Variants in FGF13 observed in about 807,000 individuals in gnomAD.
FGF13 encodes fibroblast growth factor 13, also known as fibroblast growth factor homologous factor 2.
In FGF13, 2 loss-of-function variants were observed where a neutral mutation model predicts 19.5. That is an observed-to-expected ratio of 0.10 (90% CI 0.04 to 0.32). FGF13 has a LOEUF of 0.32. Ranked by LOEUF, FGF13 falls within the 10% of genes least tolerant of loss-of-function variation. FGF13 has a pLI of 1.00. For synonymous variants in FGF13, 72 were observed against 76.9 expected, an observed-to-expected ratio of 0.94 and a Z score of 0.33; for missense variants, 113 against 192.7, an observed-to-expected ratio of 0.59 and a Z score of 2.45.
intron 1 of FGF13, among the ~76,000 whole-genome samples, chrX:139,103,647 A>G (rs1234106859): frequency 8.9e-6 from 1 of 112,016 alleles, no homozygotes; most frequent in Non-Finnish European, 1.9e-5. Flanking sequence ...TACTAAAACC[A>G]TTGAATTGTA....
chrX:139,092,799 C>T (rs2083447103), intron 1 of FGF13, among the ~76,000 whole-genome samples: 1 of 111,610 alleles, frequency 9.0e-6, no homozygotes, highest in Non-Finnish European at 1.9e-5. Context: ...TTACTTTTGA[C>T]CTACTCAGAG....
intron 1 of FGF13, among the ~76,000 whole-genome samples, chrX:138,989,078 G>A (rs748487235): frequency 9.0e-6 from 1 of 111,275 alleles, no homozygotes; most frequent in Non-Finnish European, 1.9e-5. Flanking sequence ...TGGGAAATAC[G>A]TTTCTTCTCT....
chrX:138,772,018 GTATATA>G (rs56411673), intron 3 of FGF13, among the ~76,000 whole-genome samples: 7,881 of 56,259 alleles, frequency 0.14, 488 homozygotes, highest in East Asian at 0.27. Context: ...ATACATATGT[GTATATA>G]TATATATATA....
intron 1 of FGF13, among the ~76,000 whole-genome samples, chrX:138,919,705 G>A (rs1464109049): frequency 9.1e-6 from 1 of 110,464 alleles, no homozygotes; most frequent in Non-Finnish European, 1.9e-5. Context: ...AGGGATTAGG[G>A]AGAAGAGAGA....
At chrX:139,064,283 T>C (rs867132491) in intron 1 of FGF13, among the ~76,000 whole-genome samples, 92 of 4,420 alleles carry the variant, frequency 0.021, 9 homozygotes, top group African/African-American at 0.1. Context: ...TTTTTTTTCT[T>C]TTTTTTTTTT....
intron 1 of FGF13, among the ~76,000 whole-genome samples, chrX:138,925,370 C>T (rs1217877293): frequency 9.1e-6 from 1 of 110,478 alleles, no homozygotes; most frequent in African/African-American, 3.3e-5. Flanking sequence ...AAATCGGCAA[C>T]CAAAAAGATC....
chrX:138,961,664 A>G (rs190129418), intron 1 of FGF13, among the ~76,000 whole-genome samples: 228 of 112,030 alleles, frequency 2.0e-3, no homozygotes, highest in African/African-American at 7.2e-3. Context: ...AATGGAACAG[A>G]ACAGAGCCCT....
intron 1 of FGF13, among the ~76,000 whole-genome samples, chrX:138,921,993 A>G (rs1242840775): frequency 3.7e-5 from 4 of 106,971 alleles, no homozygotes; most frequent in Admixed American, 1.0e-4. Flanking sequence ...AAAAAACAAC[A>G]AAACAACAAC....
At chrX:139,035,829 CA>C (rs2092248893) in intron 1 of FGF13, among the ~76,000 whole-genome samples, 1 of 110,919 alleles carries the variant, frequency 9.0e-6, no homozygotes, top group African/African-American at 3.3e-5. Flanking sequence ...GAGGAGCAGA[CA>C]AAAAAAGAGG....
chrX:138,707,722 C>G (rs773230378), intron 2 of FGF13, among the ~76,000 whole-genome samples: 23 of 111,871 alleles, frequency 2.1e-4, no homozygotes, highest in Non-Finnish European at 3.4e-4. Context: ...TTTTCATCCT[C>G]CATACCAACA....
At chrX:138,824,082 G>A (rs757249583) in intron 3 of FGF13, among the ~76,000 whole-genome samples, 1 of 112,167 alleles carries the variant, frequency 8.9e-6, no homozygotes, top group South Asian at 3.7e-4. Context: ...TTGAGATCAA[G>A]GTAATTGAAG....
chrX:139,124,082 C>T (rs2083697501), intron 1 of FGF13, among the ~76,000 whole-genome samples: 1 of 112,420 alleles, frequency 8.9e-6, no homozygotes, highest in South Asian at 3.7e-4. Flanking sequence ...AAGCCTGCCT[C>T]CCACAGACCC....
intron 3 of FGF13, among the ~76,000 whole-genome samples, chrX:138,845,486 GT>G (rs2091175121): frequency 8.9e-6 from 1 of 111,841 alleles, no homozygotes; most frequent in African/African-American, 3.2e-5. Flanking sequence ...AGCACTTACT[GT>G]TGACAGACAC....
chrX:139,137,532 G>A (rs184616746), intron 1 of FGF13, among the ~76,000 whole-genome samples: 21 of 111,916 alleles, frequency 1.9e-4, no homozygotes, highest in African/African-American at 6.5e-4. Context: ...CAGATGTACT[G>A]CCACACTCAT....
At chrX:138,851,077 T>C (rs1328987814) in intron 3 of FGF13, among the ~76,000 whole-genome samples, 1 of 111,873 alleles carries the variant, frequency 8.9e-6, no homozygotes, top group Non-Finnish European at 1.9e-5. Context: ...TCTCGTTCCT[T>C]TTTATGGCTG....
rs145596450 is a variant in FGF13, at chrX:138,987,316, A to G, written c.-112-122666T>C. ...CCCATCCTTTCCCTTTCCTTATAGT[A>G]TTCACTCTTAGACTCTGTTCCTACT... is the stretch of plus-strand genomic sequence containing the variant. On this transcript the variant is annotated intron_variant, in intron 1 of 2. Transcript: ENST00000421460. Among the ~76,000 whole-genome samples the G allele has an allele frequency of 1.0e-3, 116 of 111,016 alleles. 1 individual carries two copies. The East Asian group carries it at 0.025, about 24-fold the overall frequency.
At chrX:138,689,807 A>G (rs1251519457) in intron 3 of FGF13, among the ~76,000 whole-genome samples, 1 of 112,221 alleles carries the variant, frequency 8.9e-6, no homozygotes, top group Non-Finnish European at 1.9e-5. Context: ...TTCAAGTTTA[A>G]TTATTTGTTT....
intron 3 of FGF13, among the ~76,000 whole-genome samples, chrX:138,836,580 G>C (rs946335140): frequency 1.9e-4 from 21 of 111,743 alleles, no homozygotes; most frequent in African/African-American, 6.5e-4. Flanking sequence ...TTGTCTGTCA[G>C]CTCCGGCAAT....
chrX:138,682,542 C>T (rs1052406823), intron 3 of FGF13, among the ~76,000 whole-genome samples: 11 of 112,059 alleles, frequency 9.8e-5, no homozygotes, highest in African/African-American at 3.6e-4. Context: ...TTTTTATTTT[C>T]ATGTCATGTG....
Sources: allele counts gnomAD v4.1 joint callset (sites outside exome capture counted in the v4.1 genomes callset), GRCh38; gene constraint gnomAD v4.1.1; transcripts MANE v1.5; gene names NCBI Gene and HGNC (gene_info 2026-07-23, HGNC 2026-07-21).